Variants in FBXL13 observed in about 807,000 individuals in gnomAD.
FBXL13 encodes F-box and leucine-rich repeat protein 13.
Under a neutral mutation model 83.6 loss-of-function variants are expected in FBXL13, and 67 were observed. The ratio of observed to expected loss-of-function variants is 0.80; its 90% CI spans 0.66 to 0.98. FBXL13 has a LOEUF of 0.98. FBXL13 is among the 50% of genes least tolerant of loss of function. The pLI, the probability that FBXL13 is intolerant of heterozygous loss-of-function variation, is 0.00. For missense variants in FBXL13, 822 were observed against 866.5 expected (o/e 0.95, Z 0.64); for synonymous variants, 272 against 299.5 (o/e 0.91, Z 0.95).
At chr7:102,907,664 G>A (rs1813974044) in intron 11 of FBXL13, among the ~76,000 whole-genome samples, 1 of 152,088 alleles carries the variant, frequency 6.6e-6, no homozygotes, top group African/African-American at 2.4e-5. Flanking sequence ...CCCTTTTTAT[G>A]GCTGCATAGT....
chr7:102,877,709 T>C, intron 15 of FBXL13, 116 bp from the exon 17 acceptor site: 1 of 1,052,214 alleles, frequency 9.5e-7, no homozygotes. Context: ...GATTTTCCTT[T>C]ACTCAACATA....
intron 17 of FBXL13, among the ~76,000 whole-genome samples, chr7:102,850,857 G>A (rs956699204): frequency 1.3e-5 from 2 of 152,128 alleles, no homozygotes; most frequent in African/African-American, 4.8e-5. Flanking sequence ...AAAATTGGGG[G>A]AAATTGACAT....
rs545461094 is a variant in FBXL13, at chr7:102,952,878, G to A, written c.724+10655C>T. On this transcript the variant is annotated intron_variant, in intron 8 of 19. Coordinates refer to ENST00000313221, the Ensembl canonical transcript of FBXL13. ...ACGCACCTGTAATCCCAGCTACTCAGGAGGCTGAGGCAGGAGAATCACTTG... is the reference window on the plus strand; with the variant it reads ...ACGCACCTGTAATCCCAGCTACTCAAGAGGCTGAGGCAGGAGAATCACTTG... 5.3e-5 allele frequency among the ~76,000 whole-genome samples: 8 copies of A among 152,198 alleles called. No homozygotes were observed. The East Asian group carries it at 1.4e-3, about 26-fold the overall frequency.
At chr7:102,986,506 G>A (rs1319261439) in intron 6 of FBXL13, among the ~76,000 whole-genome samples, 3 of 152,126 alleles carry the variant, frequency 2.0e-5, no homozygotes, top group South Asian at 2.1e-4. Context: ...GGAGTCTCCC[G>A]CCTTCAAGGG....
intron 2 of FBXL13, among the ~76,000 whole-genome samples, chr7:103,053,654 T>C (rs1284294308): frequency 6.6e-6 from 1 of 152,196 alleles, no homozygotes; most frequent in East Asian, 1.9e-4. Context: ...CCAAAACTAT[T>C]CTGGAGTATA....
At chr7:103,035,910 AT>A (rs1194215066) in intron 2 of FBXL13, among the ~76,000 whole-genome samples, 1 of 152,196 alleles carries the variant, frequency 6.6e-6, no homozygotes, top group Non-Finnish European at 1.5e-5. Context: ...ACATAGTATC[AT>A]TCTAGAATAG....
At chr7:102,915,208 T>A (rs191761761) in intron 10 of FBXL13, among the ~76,000 whole-genome samples, 7 of 151,842 alleles carry the variant, frequency 4.6e-5, no homozygotes, top group South Asian at 2.1e-4. Context: ...AACATGGATG[T>A]AATCTGGTCT....
chr7:103,062,640 C>T (rs1327191133), intron 1 of FBXL13, among the ~76,000 whole-genome samples: 1 of 151,532 alleles, frequency 6.6e-6, no homozygotes, highest in African/African-American at 2.4e-5. Context: ...TATATTTTTC[C>T]TGAATCTTAA....
intron 8 of FBXL13, among the ~76,000 whole-genome samples, chr7:102,952,133 A>T (rs1267768007): frequency 6.6e-6 from 1 of 152,200 alleles, no homozygotes; most frequent in Admixed American, 6.5e-5. Context: ...TGCGGCACCT[A>T]GAGTCATCAA....
At position 103,043,814 on chromosome 7, in the gene FBXL13, T is replaced by C. The variant is rs368817632; in HGVS notation, c.-1+11830A>G. ...CAGGTGTGAGCCACTGCACCCAACC[T>C]GAATATACACATCTTAAAAGCAAAA... On this transcript the variant is annotated intron_variant, in intron 2 of 19. Coordinates refer to ENST00000313221, the Ensembl canonical transcript of FBXL13. Among the ~76,000 whole-genome samples the C allele has an allele frequency of 2.6e-5, 4 of 152,218 alleles. No individual in the cohort carries two copies. In the East Asian group the frequency reaches 5.8e-4, roughly 22 times the overall value.
intron 9 of FBXL13, among the ~76,000 whole-genome samples, chr7:102,927,360 A>G (rs753187738): frequency 1.3e-5 from 2 of 152,208 alleles, no homozygotes; most frequent in Non-Finnish European, 2.9e-5. Context: ...GAAGAGGTAA[A>G]TCATTACTAG....
chr7:103,034,334 T>C (rs1255033340), intron 2 of FBXL13, among the ~76,000 whole-genome samples: 2 of 152,122 alleles, frequency 1.3e-5, no homozygotes, highest in Admixed American at 6.5e-5. Context: ...CAGGAGCCCA[T>C]GGACGGTGTG....
rs963104039 is a variant in FBXL13 at position 102,823,955 on chromosome 7, G to GA, written c.1855-1753dup. Among the ~76,000 whole-genome samples, 134 of 149,550 alleles carry GA rather than the reference G, an allele frequency of 9.0e-4. 1 individual carries two copies. The highest frequency in any genetic ancestry group is 1.5e-3 in the Admixed American group (23 of 15,024). Reference sequence around the variant, plus strand: ...TGAGGATCTGATGTCATTGATAAAAGAAAAAAAAAGGCCCACAGAATTGTA... The same window carrying GA: ...TGAGGATCTGATGTCATTGATAAAAGAAAAAAAAAAGGCCCACAGAATTGTA... On this transcript the variant is annotated intron_variant, in intron 18 of 19. Coordinates refer to ENST00000313221, the Ensembl canonical transcript of FBXL13.
intron 6 of FBXL13, among the ~76,000 whole-genome samples, chr7:102,994,938 T>A (rs1042757095): frequency 2.0e-5 from 3 of 152,158 alleles, no homozygotes; most frequent in Non-Finnish European, 2.9e-5. Context: ...CTATTTTAAA[T>A]TTCAGCCCAG....
chr7:102,991,047 C>A (rs1361780862), intron 6 of FBXL13, among the ~76,000 whole-genome samples: 1 of 152,152 alleles, frequency 6.6e-6, no homozygotes, highest in Non-Finnish European at 1.5e-5. Flanking sequence ...TCAAAGTCAA[C>A]AGTCAAGAGT....
chr7:103,066,658 G>A (rs911418638), intron 1 of FBXL13, among the ~76,000 whole-genome samples: 5 of 151,960 alleles, frequency 3.3e-5, no homozygotes, highest in Non-Finnish European at 5.9e-5. Flanking sequence ...CTCCCAAAGC[G>A]CTGGGATTAC....
At chr7:102,936,897 G>A (rs926433536) in intron 8 of FBXL13, among the ~76,000 whole-genome samples, 1 of 151,014 alleles carries the variant, frequency 6.6e-6, no homozygotes, top group Non-Finnish European at 1.5e-5. Flanking sequence ...CCCCCAATGA[G>A]CCTATTTCTG....
intron 6 of FBXL13, among the ~76,000 whole-genome samples, chr7:102,975,259 T>A (rs1001719167): frequency 6.6e-6 from 1 of 152,204 alleles, no homozygotes; most frequent in Non-Finnish European, 1.5e-5. Context: ...AAGACTCAGT[T>A]CATTTCCAGA....
At chr7:102,821,730 A>C (rs562066342) in intron 19 of FBXL13, among the ~76,000 whole-genome samples, 1 of 152,192 alleles carries the variant, frequency 6.6e-6, no homozygotes, top group African/African-American at 2.4e-5. Flanking sequence ...TTAATGCTCT[A>C]GGGGAGATTA....
Sources: gnomAD v4.1 joint callset for allele counts (sites outside exome capture counted in the v4.1 genomes callset) on GRCh38, gnomAD v4.1.1 for gene constraint, MANE v1.5 for transcripts, NCBI Gene and HGNC (gene_info 2026-07-23, HGNC 2026-07-21) for gene names.